The following SLC24A4 variants were observed in gnomAD, a reference collection of about 807,000 sequenced individuals.
SLC24A4 encodes the protein solute carrier family 24 member 4.
A neutral mutation model predicts 79.0 loss-of-function variants in SLC24A4; 53 were observed. The observed-to-expected ratio is 0.67, with a 90% CI of 0.54 to 0.84. The LOEUF (loss-of-function observed/expected upper bound fraction) is 0.84, where lower values mean the gene tolerates loss of function less well. SLC24A4 is among the 40% of genes least tolerant of loss of function. The pLI is 0.00. For synonymous variants in SLC24A4, 323 were observed against 323.8 expected (o/e 1.00, Z 0.03); for missense variants, 731 against 822.0 (o/e 0.89, Z 1.35).
chr14:92,425,352 G>A (rs1446007164), intron 2 of SLC24A4, among the ~76,000 whole-genome samples: 2 of 152,196 alleles, frequency 1.3e-5, no homozygotes, highest in East Asian at 3.8e-4. Context: ...GGATTCCAGT[G>A]GACATGAGTT....
chr14:92,427,645 G>T (rs1566758844), intron 2 of SLC24A4, among the ~76,000 whole-genome samples: 1 of 150,112 alleles, frequency 6.7e-6, no homozygotes, highest in Non-Finnish European at 1.5e-5. Flanking sequence ...TGAAAAGGAG[G>T]TGGGTGTATC....
intron 2 of SLC24A4, among the ~76,000 whole-genome samples, chr14:92,397,461 C>T (rs1222959621): frequency 6.6e-6 from 1 of 152,170 alleles, no homozygotes; most frequent in African/African-American, 2.4e-5. Flanking sequence ...AACTCCTAGC[C>T]CAGTGCTCTT....
In SLC24A4 at chr14:92,398,239, A is replaced by G. The variant is rs750989985; in HGVS notation, c.242-35673A>G. On this transcript the variant is annotated intron_variant, in intron 2 of 16. Transcript: ENST00000532405. This position sits in a 1 kb window ranked among gnomAD's most constrained non-coding sequence, Gnocchi z 4.1. Reference sequence around the variant, plus strand: ...ATTGGTAGTCAGAAGCCATTTAGCAACAGGACAGTTGAGTGCTAGACTAAG... The same window carrying G: ...ATTGGTAGTCAGAAGCCATTTAGCAGCAGGACAGTTGAGTGCTAGACTAAG... Among the ~76,000 whole-genome samples, 1 of 152,224 alleles carries G rather than the reference A, an allele frequency of 6.6e-6. No individual in the cohort carries two copies. Among genetic ancestry groups the G allele is most frequent in the Non-Finnish European group, 1.5e-5 (1 of 68,042 alleles).
intron 2 of SLC24A4, among the ~76,000 whole-genome samples, chr14:92,371,080 T>C (rs1888125425): frequency 6.6e-6 from 1 of 152,108 alleles, no homozygotes; most frequent in Non-Finnish European, 1.5e-5. Context: ...TTCCTTCTAA[T>C]AAAAAGCAGC....
intron 2 of SLC24A4, among the ~76,000 whole-genome samples, chr14:92,340,281 AG>A (rs1470300731): frequency 1.3e-5 from 2 of 152,350 alleles, no homozygotes; most frequent in African/African-American, 4.8e-5. Context: ...GTGAGCCCAC[AG>A]GTTAGAGAAT....
chr14:92,383,959 G>A (rs1305147167), intron 2 of SLC24A4, among the ~76,000 whole-genome samples: 7 of 152,254 alleles, frequency 4.6e-5, no homozygotes, highest in Admixed American at 3.3e-4. Flanking sequence ...GCGGAGCAGA[G>A]CGGGTCTGAA....
intron 12 of SLC24A4, among the ~76,000 whole-genome samples, chr14:92,466,983 CA>C (rs1242345732): frequency 5.3e-5 from 8 of 152,226 alleles, no homozygotes; most frequent in Non-Finnish European, 8.8e-5. Flanking sequence ...GTGTGAGGCA[CA>C]ACACAAATAT....
At chr14:92,335,592 A>C (rs1188597851) in intron 2 of SLC24A4, among the ~76,000 whole-genome samples, 1 of 150,778 alleles carries the variant, frequency 6.6e-6, no homozygotes, top group Non-Finnish European at 1.5e-5. Context: ...CGAACTCCTG[A>C]CCTCAGGTGA....
intron 12 of SLC24A4, among the ~76,000 whole-genome samples, chr14:92,458,664 C>T (rs1006059426): frequency 1.3e-5 from 2 of 152,224 alleles, no homozygotes; most frequent in Admixed American, 6.5e-5. Context: ...CGGTGATGAA[C>T]CAGGACGGGC....
chr14:92,465,314 C>G (rs1449499196), intron 12 of SLC24A4, among the ~76,000 whole-genome samples: 1 of 152,212 alleles, frequency 6.6e-6, no homozygotes, highest in Non-Finnish European at 1.5e-5. Context: ...GCCACACCAT[C>G]AAGAGTAATG....
At chr14:92,384,084 T>C (rs1056586752) in intron 2 of SLC24A4, among the ~76,000 whole-genome samples, 1 of 152,192 alleles carries the variant, frequency 6.6e-6, no homozygotes, top group Non-Finnish European at 1.5e-5. Flanking sequence ...GCTTGGGCAT[T>C]GTGAATATTT....
At chr14:92,395,432 A>AACAC (rs60360408) in intron 2 of SLC24A4, among the ~76,000 whole-genome samples, 27,983 of 144,754 alleles carry the variant, frequency 0.19, 2,709 homozygotes, top group Middle Eastern at 0.23. Flanking sequence ...AACAAAACAA[A>AACAC]ACACACACAC....
In SLC24A4 at chr14:92,341,587, T is replaced by A. The variant is rs181488420; in HGVS notation, c.241+15609T>A. ...GCACTTGAGATGGTGTTGCAGCGACTCACCTGGCTGCAGGGCCTCCACCTG... is the reference window on the plus strand; with the variant it reads ...GCACTTGAGATGGTGTTGCAGCGACACACCTGGCTGCAGGGCCTCCACCTG... On this transcript the variant is annotated intron_variant, in intron 2 of 16. Coordinates refer to ENST00000532405, the MANE Select transcript of SLC24A4 (RefSeq NM_153646.4). 3.3e-5 allele frequency among the ~76,000 whole-genome samples: 5 copies of A among 152,328 alleles called. No homozygotes were observed. The East Asian group carries it at 9.7e-4, about 29-fold the overall frequency.
intron 2 of SLC24A4, among the ~76,000 whole-genome samples, chr14:92,345,799 AC>A (rs1886494758): frequency 6.6e-6 from 1 of 152,096 alleles, no homozygotes; most frequent in Admixed American, 6.5e-5. Context: ...TAGGGCACCC[AC>A]CCCCTGTATG....
At chr14:92,359,367 A>G (rs1887366405) in intron 2 of SLC24A4, among the ~76,000 whole-genome samples, 1 of 152,178 alleles carries the variant, frequency 6.6e-6, no homozygotes, top group Admixed American at 6.5e-5. Flanking sequence ...TGAGGTCAGG[A>G]GTTCAAGACC....
chr14:92,377,090 A>G (rs1454944039), intron 2 of SLC24A4, among the ~76,000 whole-genome samples: 2 of 152,142 alleles, frequency 1.3e-5, no homozygotes, highest in African/African-American at 4.8e-5. Flanking sequence ...CACCTCATGG[A>G]TGAGAAAGGT....
chr14:92,371,774 C>G (rs1342632080), intron 2 of SLC24A4, among the ~76,000 whole-genome samples: 1 of 152,258 alleles, frequency 6.6e-6, no homozygotes, highest in African/African-American at 2.4e-5. Flanking sequence ...AATGAAACCA[C>G]TTCAGTATGA....
chr14:92,441,924 G>T lies in SLC24A4; in HGVS notation c.394-165G>T, dbSNP rs2139810851. On this transcript the variant is annotated intron_variant, in intron 4 of 16. Coordinates refer to ENST00000532405, the MANE Select transcript of SLC24A4 (RefSeq NM_153646.4). This position sits in a 1 kb window ranked among gnomAD's most constrained non-coding sequence, Gnocchi z 4.6. ...GCCTGGTGGAGGCTGGAGGGCAGAT[G>T]GCAGAGGGCACACAGCATGTGCCCA... Among the ~76,000 whole-genome samples, 1 of 152,332 alleles carries T rather than the reference G, an allele frequency of 6.6e-6. No homozygotes were observed. Among genetic ancestry groups the T allele is most frequent in the East Asian group, 1.9e-4 (1 of 5,186 alleles).
Position 92,479,248 on chromosome 14 carries a change from T to A in SLC24A4, c.1256-3432T>A, listed in dbSNP as rs565017495. 3.9e-5 allele frequency among the ~76,000 whole-genome samples: 6 copies of A among 152,246 alleles called. No homozygotes were observed. The East Asian group carries it at 9.6e-4, about 24-fold the overall frequency. ...AGTGTTGAAGGAGTAAGAGCAGACA[T>A]CTTCATCTTGTTTCTGATTTTGCAG... is the stretch of plus-strand genomic sequence containing the variant. On this transcript the variant is annotated intron_variant, in intron 12 of 16. Coordinates refer to ENST00000532405, the MANE Select transcript of SLC24A4 (RefSeq NM_153646.4).
Sources: allele counts gnomAD v4.1 joint callset (sites outside exome capture counted in the v4.1 genomes callset), GRCh38; gene constraint gnomAD v4.1.1; non-coding constraint Gnocchi (gnomAD v3.1); transcripts MANE v1.5; gene names NCBI Gene and HGNC (gene_info 2026-07-23, HGNC 2026-07-21).